The following TMEM154 variants were observed in gnomAD, a reference collection of about 807,000 sequenced individuals.
TMEM154 encodes the protein transmembrane protein 154.
A neutral mutation model predicts 24.5 loss-of-function variants in TMEM154; 27 were observed. The observed-to-expected ratio is 1.10, with a 90% confidence interval of 0.81 to 1.52. The LOEUF is 1.52. Among genes scored for constraint, TMEM154 ranks in the 40% most tolerant of loss-of-function variants. The pLI is 0.00. For missense variants in TMEM154, 228 were observed against 213.4 expected (o/e 1.07, Z -0.43); for synonymous variants, 67 against 76.8 (o/e 0.87, Z 0.67).
rs1392010520 is a variant in TMEM154 at position 152,625,814 on chromosome 4, A to G, written c.*2732T>C. The G allele has an allele frequency of 6.6e-6, 1 of 152,188 alleles. No homozygotes were observed. The highest frequency in any genetic ancestry group is 1.9e-4 in the East Asian group (1 of 5,208). 9.4% of individuals were successfully genotyped at this position (152,188 alleles called of 1,614,324 possible). A position where few individuals can be genotyped will look rare whatever the true frequency, so the allele number is the denominator to read the frequency against. On this transcript the variant is annotated 3_prime_UTR_variant, in exon 7 of 7. Transcript: ENST00000304385. Reference sequence around the variant, plus strand: ...CACTTTGGGAGGCTGAGACAGGAGGACTGCTTGAGCCCAGGAGTTTGAAAC... The same window carrying G: ...CACTTTGGGAGGCTGAGACAGGAGGGCTGCTTGAGCCCAGGAGTTTGAAAC...
At position 152,624,167 on chromosome 4, in the gene TMEM154, C is replaced by A. The variant is rs557874475; in HGVS notation, c.*4379G>T. On this transcript the variant is annotated 3_prime_UTR_variant, in exon 7 of 7. Transcript: ENST00000304385. ...TTGGTTTAGAAACTTCTTAAAATAT[C>A]ATTCAAAAAGAGCTTAGAGCATGTA... 13 of 152,252 alleles carry A rather than the reference C, an allele frequency of 8.5e-5. No individual in the cohort carries two copies. The highest frequency in any genetic ancestry group is 8.5e-4 in the Admixed American group (13 of 15,290). The allele number at this position is 152,252 out of a possible 1,614,324, so 9.4% of individuals were successfully genotyped here. A position where few individuals can be genotyped will look rare whatever the true frequency, so the allele number is the denominator to read the frequency against.
rs142607849 is a variant in TMEM154, at chr4:152,643,937, C to T, written c.392+478G>A. ...CCTCCTTCCCTCCCTCCTCTCCCTT[C>T]CTCCTGCTCCTCCCACTCTTCCCTT... On this transcript the variant is annotated intron_variant, in intron 4 of 6. Transcript: ENST00000304385. Among the ~76,000 whole-genome samples the T allele has an allele frequency of 3.4e-3, 513 of 151,446 alleles. 4 individuals carry two copies. The highest frequency in any genetic ancestry group is 0.012 in the African/African-American group (498 of 41,268).
chr4:152,668,661 T>G (rs1728769094), intron 1 of TMEM154: 2 of 151,730 alleles, frequency 1.3e-5, no homozygotes, highest in African/African-American at 4.9e-5. Flanking sequence ...TGGGTGCTTG[T>G]GATAAGTTAA....
intron 1 of TMEM154, among the ~76,000 whole-genome samples, chr4:152,653,174 C>G (rs1235612578): frequency 2.0e-5 from 3 of 152,112 alleles, no homozygotes; most frequent in African/African-American, 4.8e-5. Context: ...TTGCATTGAC[C>G]AGACATTTTA....
At chr4:152,628,586 A>T in intron 6 of TMEM154, 25 bp from the exon 7 acceptor site, 3 of 1,094,962 alleles carry the variant, frequency 2.7e-6, no homozygotes, top group Non-Finnish European at 3.6e-6. Context: ...AAAAAAAAAA[A>T]AAAAAACAAA....
intron 1 of TMEM154, among the ~76,000 whole-genome samples, chr4:152,672,297 A>T (rs937063931): frequency 1.3e-5 from 2 of 152,102 alleles, no homozygotes; most frequent in African/African-American, 4.8e-5. Flanking sequence ...TGGTGTAAGG[A>T]GTGAGAAAAG....
Position 152,628,373 on chromosome 4 carries a change from T to C in TMEM154, c.*173A>G, listed in dbSNP as rs1475750162. 2.7e-6 allele frequency: 3 copies of C among 1,097,480 alleles called. No individual in the cohort carries two copies. Among genetic ancestry groups the C allele is most frequent in the Non-Finnish European group, 4.1e-6 (3 of 737,666 alleles). The allele number at this position is 1,097,480 out of a possible 1,614,324, so 68.0% of individuals were successfully genotyped here. A position where few individuals can be genotyped will look rare whatever the true frequency, so the allele number is the denominator to read the frequency against. ...CTTCTCAATTGCACATTCTTCCAAG[T>C]GCAAGTGATGCCATCATTAGGAAGA... On this transcript the variant is annotated 3_prime_UTR_variant, in exon 7 of 7. Transcript: ENST00000304385.
chr4:152,628,141 G>A lies in TMEM154; in HGVS notation c.*405C>T. The A allele has an allele frequency of 4.8e-6, 1 of 206,238 alleles. No individual in the cohort carries two copies. Among genetic ancestry groups the A allele is most frequent in the Non-Finnish European group, 9.8e-6 (1 of 101,874 alleles). The allele number at this position is 206,238 out of a possible 1,614,324, so 12.8% of individuals were successfully genotyped here. On this transcript the variant is annotated 3_prime_UTR_variant, in exon 7 of 7. Transcript: ENST00000304385. ...CCAAAGCTGGTTACTGACCCAAAAG[G>A]AAACCATCGATAAAACAGCTTCCTG...
At position 152,622,451 on chromosome 4, in the gene TMEM154, T is replaced by G. The variant is rs1223785778; in HGVS notation, c.*6095A>C. 6.6e-6 allele frequency: 1 copy of G among 152,204 alleles called. No homozygotes were observed. Among genetic ancestry groups the G allele is most frequent in the African/African-American group, 2.4e-5 (1 of 41,464 alleles). 9.4% of individuals were successfully genotyped at this position (152,204 alleles called of 1,614,324 possible). A position where few individuals can be genotyped will look rare whatever the true frequency, so the allele number is the denominator to read the frequency against. Reference sequence around the variant, plus strand: ...ACCTCTACTCTTAGTAAATAAAACATTTTAGTAAACAAATATCTTATCCTC... The same window carrying G: ...ACCTCTACTCTTAGTAAATAAAACAGTTTAGTAAACAAATATCTTATCCTC... On this transcript the variant is annotated 3_prime_UTR_variant, in exon 7 of 7. Coordinates refer to ENST00000304385, the MANE Select transcript of TMEM154 (RefSeq NM_152680.3).
intron 1 of TMEM154, among the ~76,000 whole-genome samples, chr4:152,664,383 G>T (rs1728676403): frequency 6.6e-6 from 1 of 151,770 alleles, no homozygotes; most frequent in South Asian, 2.1e-4. Context: ...GTGGCGGGGG[G>T]GTACAAGGGG....
intron 1 of TMEM154, among the ~76,000 whole-genome samples, chr4:152,670,991 T>G (rs1728823689): frequency 6.6e-6 from 1 of 152,180 alleles, no homozygotes; most frequent in South Asian, 2.1e-4. Context: ...CATCATGTGT[T>G]TGTATACAAA....
intron 3 of TMEM154, among the ~76,000 whole-genome samples, 196 bp downstream of exon 3, chr4:152,652,342 G>A (rs1400092523): frequency 1.4e-5 from 2 of 148,070 alleles, no homozygotes; most frequent in Admixed American, 6.7e-5. Context: ...AGGCGTGCCT[G>A]TATTTTGAAA....
rs1751911886 is a variant in TMEM154 at position 152,626,016 on chromosome 4, G to A, written c.*2530C>T. ...TTTGTTTGATGTGGGTTATCCAGGAGCCACCTACATCAAGGTGGATCCAGG... is the reference window on the plus strand; with the variant it reads ...TTTGTTTGATGTGGGTTATCCAGGAACCACCTACATCAAGGTGGATCCAGG... On this transcript the variant is annotated 3_prime_UTR_variant, in exon 7 of 7. Transcript: ENST00000304385. 1 of 152,362 alleles carries A rather than the reference G, an allele frequency of 6.6e-6. No individual in the cohort carries two copies. Among genetic ancestry groups the A allele is most frequent in the Non-Finnish European group, 1.5e-5 (1 of 68,036 alleles). 9.4% of individuals were successfully genotyped at this position (152,362 alleles called of 1,614,324 possible). A position where few individuals can be genotyped will look rare whatever the true frequency, so the allele number is the denominator to read the frequency against.
chr4:152,631,326 C>A (rs967458362), intron 6 of TMEM154, among the ~76,000 whole-genome samples: 1 of 152,128 alleles, frequency 6.6e-6, no homozygotes, highest in African/African-American at 2.4e-5. Flanking sequence ...TACTGTTACT[C>A]TTTTATTACC....
intron 1 of TMEM154, 81 bp from the exon 2 acceptor site, chr4:152,653,008 C>A (rs1728419058): frequency 1.4e-5 from 19 of 1,365,384 alleles, no homozygotes; most frequent in Non-Finnish European, 1.9e-5. Flanking sequence ...TAAATTATTC[C>A]TAGATACATT....
intron 6 of TMEM154, among the ~76,000 whole-genome samples, chr4:152,640,002 A>C (rs550563588): frequency 2.4e-4 from 37 of 152,246 alleles, no homozygotes; most frequent in African/African-American, 8.7e-4. Context: ...AAGGGTCCGA[A>C]GATAAACATC....
At chr4:152,665,139 A>G (rs181679169) in intron 1 of TMEM154, among the ~76,000 whole-genome samples, 2 of 152,350 alleles carry the variant, frequency 1.3e-5, no homozygotes, top group East Asian at 1.9e-4. Context: ...ACTTGAGTCC[A>G]GTCCAAGGCT....
chr4:152,665,609 GA>G (rs1190505209), intron 1 of TMEM154, among the ~76,000 whole-genome samples: 1 of 152,130 alleles, frequency 6.6e-6, no homozygotes, highest in East Asian at 1.9e-4. Flanking sequence ...TGCATATCCA[GA>G]AAATGTTATG....
At position 152,645,061 on chromosome 4, in the gene TMEM154, C is replaced by T. The variant is rs1007375349; in HGVS notation, c.365-619G>A. On this transcript the variant is annotated intron_variant, in intron 3 of 6. Coordinates refer to ENST00000304385, the MANE Select transcript of TMEM154 (RefSeq NM_152680.3). ...TCTTTCCTGTTGCTCCCCAGCTCAG[C>T]ACCTTGCTTGCATCTTTCATAATAT... Among the ~76,000 whole-genome samples the T allele has an allele frequency of 1.9e-4, 29 of 152,306 alleles. 1 individual carries two copies. The highest frequency in any genetic ancestry group is 3.4e-3 in the Middle Eastern group (1 of 294).
Sources: gnomAD v4.1 joint callset for allele counts (sites outside exome capture counted in the v4.1 genomes callset) on GRCh38, gnomAD v4.1.1 for gene constraint, MANE v1.5 for transcripts, NCBI Gene and HGNC (gene_info 2026-07-23, HGNC 2026-07-21) for gene names.